The following COL4A2 variants were observed in gnomAD, a reference collection of about 807,000 sequenced individuals.
COL4A2 encodes the protein collagen type IV alpha 2 chain.
Under a neutral mutation model 200.2 loss-of-function variants are expected in COL4A2, and 99 were observed. That is an observed-to-expected ratio of 0.49 (90% confidence interval 0.42 to 0.58). COL4A2 has a LOEUF of 0.58. Ranked by LOEUF, COL4A2 falls within the 20% of genes least tolerant of loss-of-function variation. The pLI is 0.00. For missense variants in COL4A2, 1,950 were observed against 2,314.1 expected (o/e 0.84, Z 3.23); for synonymous variants, 897 against 900.6 (o/e 1.00, Z 0.07).
At chr13:110,376,197 T>C (rs1162681241) in intron 4 of COL4A2, among the ~76,000 whole-genome samples, 1 of 152,212 alleles carries the variant, frequency 6.6e-6, no homozygotes, top group Non-Finnish European at 1.5e-5. Context: ...CCTAAATCTC[T>C]TATGTATCAC....
intron 7 of COL4A2, among the ~76,000 whole-genome samples, chr13:110,428,828 T>G (rs934625664): frequency 1.0e-4 from 16 of 152,394 alleles, no homozygotes; most frequent in African/African-American, 3.8e-4. Flanking sequence ...TCACTTCATT[T>G]TCTCCCAAAT....
chr13:110,314,112 T>C (rs1435434631), intron 3 of COL4A2, among the ~76,000 whole-genome samples: 1 of 152,242 alleles, frequency 6.6e-6, no homozygotes, highest in Admixed American at 6.5e-5. Flanking sequence ...AATGTGATAA[T>C]GTTGATTTCT....
At chr13:110,504,850 C>T (rs761083744) in intron 45 of COL4A2, among the ~76,000 whole-genome samples, 8 of 152,112 alleles carry the variant, frequency 5.3e-5, no homozygotes, top group East Asian at 1.9e-4. Context: ...TCGAGCGATC[C>T]GCCAGCCTTG....
rs1882979589 is a variant in COL4A2, at chr13:110,482,810, A to G, written c.2902+151A>G. 5.3e-6 allele frequency: 4 copies of G among 757,580 alleles called. No individual in the cohort carries two copies. In the South Asian group the frequency reaches 5.9e-5, roughly 11 times the overall value. The allele number at this position is 757,580 out of a possible 1,614,324, so 46.9% of individuals were successfully genotyped here. ...GACAAAACAAACAAAATGAGCTAAC[A>G]AAAACTCAAAGGCTTTATCCCTGCC... On this transcript the variant is annotated intron_variant, in intron 32 of 47. Coordinates refer to ENST00000360467, the MANE Select transcript of COL4A2 (RefSeq NM_001846.4).
chr13:110,442,579 C>T (rs2139472222), intron 16 of COL4A2, among the ~76,000 whole-genome samples: 1 of 152,330 alleles, frequency 6.6e-6, no homozygotes, highest in Non-Finnish European at 1.5e-5. Flanking sequence ...AAAAGATATC[C>T]TGGGTAGGAA....
intron 16 of COL4A2, among the ~76,000 whole-genome samples, chr13:110,441,424 A>C (rs916064505): frequency 1.3e-5 from 2 of 152,244 alleles, no homozygotes; most frequent in Non-Finnish European, 2.9e-5. Flanking sequence ...GACTTCCTGC[A>C]ACCTCCAATG....
intron 4 of COL4A2, among the ~76,000 whole-genome samples, chr13:110,391,411 C>T (rs893275827): frequency 1.3e-5 from 2 of 152,216 alleles, no homozygotes; most frequent in African/African-American, 4.8e-5. Context: ...AGCCGGGGTT[C>T]CAGCATCTCT....
intron 3 of COL4A2, among the ~76,000 whole-genome samples, chr13:110,331,953 TTAA>T (rs1473520515): frequency 6.6e-6 from 1 of 152,214 alleles, no homozygotes; most frequent in East Asian, 1.9e-4. Flanking sequence ...CTTTTCTGTC[TTAA>T]TGATGTCCAA....
intron 3 of COL4A2, among the ~76,000 whole-genome samples, chr13:110,318,036 T>C (rs768886930): frequency 1.1e-4 from 16 of 152,090 alleles, no homozygotes; most frequent in Non-Finnish European, 1.9e-4. Context: ...AACAGGAGGA[T>C]AGGTGTGGTC....
intron 3 of COL4A2, among the ~76,000 whole-genome samples, chr13:110,339,267 A>G (rs779622803): frequency 8.5e-5 from 13 of 152,300 alleles, no homozygotes; most frequent in South Asian, 2.1e-4. Flanking sequence ...CTGAATTCTG[A>G]TGGACAGTAG....
intron 3 of COL4A2, among the ~76,000 whole-genome samples, chr13:110,326,757 G>T (rs543114980): frequency 5.9e-4 from 90 of 152,268 alleles, no homozygotes; most frequent in African/African-American, 2.0e-3. Context: ...CATCCCATCC[G>T]ATTCCTAATC....
chr13:110,328,350 C>T (rs1459044806), intron 3 of COL4A2: 1 of 152,068 alleles, frequency 6.6e-6, no homozygotes, highest in Non-Finnish European at 1.5e-5. Context: ...TTTTTCTGTT[C>T]CACCATTAAA....
intron 3 of COL4A2, among the ~76,000 whole-genome samples, chr13:110,350,673 C>T (rs898017018): frequency 2.8e-4 from 42 of 152,174 alleles, no homozygotes; most frequent in African/African-American, 9.4e-4. Context: ...AATGCCCATC[C>T]GACCACCTAG....
intron 24 of COL4A2, among the ~76,000 whole-genome samples, chr13:110,463,832 G>A (rs1481177367): frequency 2.6e-5 from 4 of 152,056 alleles, no homozygotes; most frequent in African/African-American, 4.8e-5. Context: ...CACCACACCC[G>A]GCCCACATTT....
rs550449010 is a variant in COL4A2, at chr13:110,454,583, C to T, written c.1340-2760C>T. 1.4e-4 allele frequency among the ~76,000 whole-genome samples: 21 copies of T among 152,234 alleles called. No individual in the cohort carries two copies. In the South Asian group the frequency reaches 3.7e-3, roughly 27 times the overall value. ...ACGCAGCTGACCTGGTCACCGGTCA[C>T]CCTTTGTCCCCAGCAGTGCGGGGTG... On this transcript the variant is annotated intron_variant, in intron 20 of 47. Coordinates refer to ENST00000360467, the MANE Select transcript of COL4A2 (RefSeq NM_001846.4).
In COL4A2 at chr13:110,436,326, A is replaced by G; in HGVS notation, c.784A>G (p.Ile262Val). 1.9e-6 allele frequency: 3 copies of G among 1,614,038 alleles called. No homozygotes were observed. Among genetic ancestry groups the G allele is most frequent in the Non-Finnish European group, 2.5e-6 (3 of 1,180,020 alleles). Residue 262 changes from isoleucine (I) to valine (V), a missense_variant, in exon 13 of 48, where the codon ATC becomes GTC. Physicochemically the swap from Ile to Val is conservative, Grantham distance 29 (BLOSUM62 3). Coordinates refer to ENST00000360467, the MANE Select transcript of COL4A2 (RefSeq NM_001846.4). ...TCCATCAGACACCCTCCACCCCATC[A>G]TCGCGCCCACAGGAGTCACCTTCCA... is the stretch of plus-strand genomic sequence containing the variant. ...GIPSDTLHPI[I>V]APTGVTFHPD...
At chr13:110,430,324 C>T (rs1390404215) in intron 8 of COL4A2, 77 bp from the exon 9 acceptor site, 4 of 1,572,976 alleles carry the variant, frequency 2.5e-6, no homozygotes, top group East Asian at 2.2e-5. Flanking sequence ...TGCTTATTTC[C>T]AACTCTGCAA....
At chr13:110,495,594 G>A in intron 40 of COL4A2, 127 bp downstream of exon 40, 2 of 1,236,770 alleles carry the variant, frequency 1.6e-6, no homozygotes, top group Admixed American at 2.7e-5. Context: ...TGGTTTTTCT[G>A]GGGAGGACTA....
chr13:110,416,257 A>G (rs1880039298), intron 4 of COL4A2, among the ~76,000 whole-genome samples: 1 of 152,246 alleles, frequency 6.6e-6, no homozygotes, highest in Non-Finnish European at 1.5e-5. Flanking sequence ...GCGGCCTGAC[A>G]GCCAAAGCTC....
Sources: allele counts gnomAD v4.1 joint callset (sites outside exome capture counted in the v4.1 genomes callset), GRCh38; gene constraint gnomAD v4.1.1; transcripts MANE v1.5; gene names NCBI Gene and HGNC (gene_info 2026-07-23, HGNC 2026-07-21).